SLC2A13: variants seen among roughly 807,000 people sequenced by gnomAD.
The protein encoded by SLC2A13 is solute carrier family 2 member 13.
Under a neutral mutation model 64.4 loss-of-function variants are expected in SLC2A13, and 32 were observed. That is an observed-to-expected ratio of 0.50 (90% CI 0.37 to 0.67). The LOEUF (loss-of-function observed/expected upper bound fraction) is 0.67. Among genes scored for constraint, SLC2A13 ranks in the 30% least tolerant of loss-of-function variants. SLC2A13 has a pLI of 0.00. For synonymous variants in SLC2A13, 338 were observed against 327.1 expected (o/e 1.03, Z -0.36); for missense variants, 743 against 829.2 (o/e 0.90, Z 1.28).
At chr12:39,941,826 G>A (rs889397060) in intron 4 of SLC2A13, among the ~76,000 whole-genome samples, 1 of 152,092 alleles carries the variant, frequency 6.6e-6, no homozygotes, top group East Asian at 1.9e-4. Context: ...TTATCTTCTA[G>A]AATTTTTATA....
At chr12:39,785,665 A>G (rs139401412) in intron 7 of SLC2A13, among the ~76,000 whole-genome samples, 5,137 of 152,208 alleles carry the variant, frequency 0.034, 305 homozygotes, top group African/African-American at 0.12. Flanking sequence ...AAAGCCACAG[A>G]CACTCAACGC....
intron 4 of SLC2A13, among the ~76,000 whole-genome samples, chr12:39,924,285 T>G (rs187967895): frequency 3.3e-5 from 5 of 152,292 alleles, no homozygotes; most frequent in Admixed American, 3.3e-4. Context: ...TGTTGTCTTT[T>G]TTTAATGTCA....
At chr12:40,047,189 AC>A (rs1592037180) in intron 2 of SLC2A13, among the ~76,000 whole-genome samples, 1 of 152,186 alleles carries the variant, frequency 6.6e-6, no homozygotes, top group African/African-American at 2.4e-5. Flanking sequence ...GGCGTGAGCC[AC>A]CACACCCAGT....
In SLC2A13 at chr12:39,758,330, A is replaced by ATAAC. The variant is rs1368258629; in HGVS notation, c.*1692_*1695dup. On this transcript the variant is annotated 3_prime_UTR_variant, in exon 10 of 10. Coordinates refer to ENST00000280871, the MANE Select transcript of SLC2A13 (RefSeq NM_052885.4). The stretch of plus-strand genomic sequence containing the variant: ...CTTCCTCAGCTGTATTCTCAGCTTG[A>ATAAC]TAACTGTGATAGGAACAAGCCAGAC... The ATAAC allele has an allele frequency of 6.6e-6, 1 of 151,896 alleles. No individual in the cohort carries two copies. Among genetic ancestry groups the ATAAC allele is most frequent in the Non-Finnish European group, 1.5e-5 (1 of 67,770 alleles). The allele number at this position is 151,896 out of a possible 1,614,324, so 9.4% of individuals were successfully genotyped here.
intron 1 of SLC2A13, among the ~76,000 whole-genome samples, chr12:40,085,467 GT>G (rs1938559615): frequency 6.6e-6 from 1 of 152,178 alleles, no homozygotes; most frequent in Non-Finnish European, 1.5e-5. Flanking sequence ...TAGGGTGACA[GT>G]GTGAGAACTG....
Position 39,895,705 on chromosome 12 carries a change from C to T in SLC2A13, c.1035-23744G>A, listed in dbSNP as rs148388085. 4.8e-3 allele frequency among the ~76,000 whole-genome samples: 165 copies of T among 34,452 alleles called. 27 individuals carry two copies. Among genetic ancestry groups the T allele is most frequent in the African/African-American group, 1.0e-2 (124 of 12,424 alleles). The allele number at this position is 34,452 out of a possible 152,430, so 22.6% of individuals were successfully genotyped here. ...ACACACATATGTATATGCGTGTATA[C>T]GTACACACATATGTATATGCGTGTA... On this transcript the variant is annotated intron_variant, in intron 4 of 9. Coordinates refer to ENST00000280871, the MANE Select transcript of SLC2A13 (RefSeq NM_052885.4).
At chr12:39,906,712 T>G (rs1943071749) in intron 4 of SLC2A13, among the ~76,000 whole-genome samples, 1 of 152,096 alleles carries the variant, frequency 6.6e-6, no homozygotes, top group African/African-American at 2.4e-5. Context: ...AAATATTAAA[T>G]CAATTACTAA....
chr12:39,956,045 G>A (rs1310491208), intron 3 of SLC2A13, among the ~76,000 whole-genome samples: 1 of 152,166 alleles, frequency 6.6e-6, no homozygotes, highest in Admixed American at 6.5e-5. Context: ...AATATCAGGA[G>A]TAAATGAGGT....
chr12:39,972,015 T>TATATA (rs1491210436), intron 3 of SLC2A13, among the ~76,000 whole-genome samples: 7,253 of 80,290 alleles, frequency 0.09, 591 homozygotes, highest in Non-Finnish European at 0.12. Flanking sequence ...TATATATATA[T>TATATA]TTTTTTTTAT....
intron 7 of SLC2A13, among the ~76,000 whole-genome samples, chr12:39,803,204 CAA>C (rs369226817): frequency 5.0e-4 from 37 of 73,676 alleles, no homozygotes; most frequent in Admixed American, 7.2e-4. Context: ...GAAGCAAATG[CAA>C]AAAAAAAAAA....
intron 7 of SLC2A13, among the ~76,000 whole-genome samples, chr12:39,782,877 A>G (rs2135745254): frequency 6.6e-6 from 1 of 152,098 alleles, no homozygotes; most frequent in South Asian, 2.1e-4. Context: ...TTTTATTATT[A>G]TTATTTTTTA....
chr12:39,902,286 C>T (rs1208629651), intron 4 of SLC2A13, among the ~76,000 whole-genome samples: 1 of 151,358 alleles, frequency 6.6e-6, no homozygotes, highest in Non-Finnish European at 1.5e-5. Flanking sequence ...CACATGTATA[C>T]ATATGTAACT....
chr12:39,986,910 T>C (rs1045002195), intron 3 of SLC2A13, among the ~76,000 whole-genome samples: 5 of 152,168 alleles, frequency 3.3e-5, no homozygotes, highest in South Asian at 4.1e-4. Flanking sequence ...GTGTACTGAG[T>C]TGAGCCATCA....
rs1015890851 is a variant in SLC2A13 at position 40,105,898 on chromosome 12, C to A, written c.-90G>T. ...GACAGCCCGAGCCGGCGGGAGCAACCGCCGCTGCCGCCGCTTTCTTCCTCC... is the reference window on the plus strand; with the variant it reads ...GACAGCCCGAGCCGGCGGGAGCAACAGCCGCTGCCGCCGCTTTCTTCCTCC... On this transcript the variant is annotated 5_prime_UTR_variant, in exon 1 of 10. Transcript: ENST00000280871. This position sits in a 1 kb window ranked among gnomAD's most constrained non-coding sequence, Gnocchi z 4.2. 1.6e-6 allele frequency: 2 copies of A among 1,250,378 alleles called. No individual in the cohort carries two copies. The highest frequency in any genetic ancestry group is 2.6e-5 in the South Asian group (1 of 37,904). The allele number at this position is 1,250,378 out of a possible 1,614,324, so 77.5% of individuals were successfully genotyped here. A position where few individuals can be genotyped will look rare whatever the true frequency, so the allele number is the denominator to read the frequency against.
At chr12:40,045,899 T>C (rs1354376284) in intron 2 of SLC2A13, among the ~76,000 whole-genome samples, 1 of 152,204 alleles carries the variant, frequency 6.6e-6, no homozygotes, top group Non-Finnish European at 1.5e-5. Flanking sequence ...TAAATCTTTT[T>C]TTCTCTAGTC....
chr12:39,790,137 T>C (rs1941332178), intron 7 of SLC2A13, among the ~76,000 whole-genome samples: 1 of 151,680 alleles, frequency 6.6e-6, no homozygotes, highest in South Asian at 2.1e-4. Context: ...CTTTTTTTTT[T>C]TTGACAGACT....
chr12:39,928,103 A>G (rs1034363129), intron 4 of SLC2A13, among the ~76,000 whole-genome samples: 10 of 152,222 alleles, frequency 6.6e-5, no homozygotes, highest in Admixed American at 5.2e-4. Flanking sequence ...AATCTTTCCT[A>G]TAGCAACATT....
At chr12:39,906,049 T>G (rs912321951) in intron 4 of SLC2A13, among the ~76,000 whole-genome samples, 3 of 152,144 alleles carry the variant, frequency 2.0e-5, no homozygotes, top group African/African-American at 7.2e-5. Flanking sequence ...GCTAAAAACA[T>G]GACAACTTTA....
At chr12:39,852,929 G>T (rs747696132) in intron 6 of SLC2A13, among the ~76,000 whole-genome samples, 3 of 152,146 alleles carry the variant, frequency 2.0e-5, no homozygotes, top group Non-Finnish European at 4.4e-5. Flanking sequence ...TAGCCAATGG[G>T]AAACCTCTAG....
Sources: gnomAD v4.1 joint callset for allele counts (sites outside exome capture counted in the v4.1 genomes callset) on GRCh38, gnomAD v4.1.1 for gene constraint, Gnocchi (gnomAD v3.1) non-coding constraint, MANE v1.5 for transcripts, NCBI Gene and HGNC (gene_info 2026-07-23, HGNC 2026-07-21) for gene names.